Variants in DIS3L2 observed in about 807,000 individuals in gnomAD.
The protein encoded by DIS3L2 is DIS3 like 3'-5' exoribonuclease 2, also known as DIS3-like exonuclease 2.
A neutral mutation model predicts 97.5 loss-of-function variants in DIS3L2; 34 were observed. The observed-to-expected ratio is 0.35, with a 90% CI of 0.27 to 0.46. The LOEUF (loss-of-function observed/expected upper bound fraction) is 0.46. Among genes scored for constraint, DIS3L2 ranks in the 20% least tolerant of loss-of-function variants. The pLI, the probability that DIS3L2 is intolerant of heterozygous loss-of-function variation, is 1.00. For missense variants in DIS3L2, 1,038 were observed against 1,146.0 expected, an observed-to-expected ratio of 0.91 and a Z score of 1.36; for synonymous variants, 435 against 445.2, an observed-to-expected ratio of 0.98 and a Z score of 0.29.
At chr2:231,975,340 C>T (rs1693051482) in intron 1 of DIS3L2, among the ~76,000 whole-genome samples, 2 of 151,904 alleles carry the variant, frequency 1.3e-5, no homozygotes, top group Non-Finnish European at 2.9e-5. Flanking sequence ...TATATTATAT[C>T]TCTTTGAGGC....
At chr2:231,993,522 T>A (rs1357502338) in intron 1 of DIS3L2, among the ~76,000 whole-genome samples, 1 of 152,148 alleles carries the variant, frequency 6.6e-6, no homozygotes, top group Admixed American at 6.6e-5. Context: ...CTGAGATGGC[T>A]TTTTTTCTTT....
chr2:232,183,268 T>G (rs1046891986), intron 9 of DIS3L2, among the ~76,000 whole-genome samples: 2 of 152,224 alleles, frequency 1.3e-5, no homozygotes, highest in Admixed American at 6.5e-5. Flanking sequence ...TTATAGCAAC[T>G]CAAACAAACA....
intron 12 of DIS3L2, among the ~76,000 whole-genome samples, chr2:232,255,456 A>G (rs1321222034): frequency 6.6e-6 from 1 of 152,212 alleles, no homozygotes; most frequent in East Asian, 1.9e-4. Flanking sequence ...AGCTATAGAA[A>G]GATTGTTCCA....
rs1264467846 is a variant in DIS3L2, at chr2:232,259,999, G to T, written c.1426-3208G>T. 4 of 152,308 alleles carry T rather than the reference G, an allele frequency of 2.6e-5. No homozygotes were observed. In the East Asian group the frequency reaches 7.8e-4, roughly 30 times the overall value. 9.4% of individuals were successfully genotyped at this position (152,308 alleles called of 1,614,324 possible). On this transcript the variant is annotated intron_variant, in intron 12 of 20. Coordinates refer to ENST00000325385, the MANE Select transcript of DIS3L2 (RefSeq NM_152383.5). ...ATGTGAAAGCAAATGCCCGATCAGG[G>T]TGCAGTGGTTGCCCTGTGCTGGAGC...
In DIS3L2 at chr2:232,325,081, T is replaced by C. The variant is rs1274676062; in HGVS notation, c.1740-4732T>C. ...TCCTCGATGGTCAGGGAAGGCAGGC[T>C]TCCTCTGAAGAGCAGATCGCTTTAC... is the stretch of plus-strand genomic sequence containing the variant. On this transcript the variant is annotated intron_variant, in intron 14 of 20. Coordinates refer to ENST00000325385, the MANE Select transcript of DIS3L2 (RefSeq NM_152383.5). The surrounding 1 kb of genome is among the most constrained non-coding windows in gnomAD (Gnocchi z 4.6). 6.6e-6 allele frequency among the ~76,000 whole-genome samples: 1 copy of C among 152,200 alleles called. No individual in the cohort carries two copies. The highest frequency in any genetic ancestry group is 2.4e-5 in the African/African-American group (1 of 41,462).
intron 3 of DIS3L2, among the ~76,000 whole-genome samples, chr2:232,017,637 A>G (rs1559544859): frequency 6.6e-6 from 1 of 152,102 alleles, no homozygotes; most frequent in Non-Finnish European, 1.5e-5. Flanking sequence ...TCCTCCAGGA[A>G]CACTCTCCTC....
At chr2:232,316,581 A>T (rs933853326) in intron 14 of DIS3L2, among the ~76,000 whole-genome samples, 1 of 152,084 alleles carries the variant, frequency 6.6e-6, no homozygotes, top group Non-Finnish European at 1.5e-5. Flanking sequence ...GTTCAATGGG[A>T]GGAAAGGCTC....
At chr2:232,010,244 G>A (rs572561494) in intron 1 of DIS3L2, among the ~76,000 whole-genome samples, 12 of 152,210 alleles carry the variant, frequency 7.9e-5, no homozygotes, top group East Asian at 1.9e-4. Context: ...TCATTCAACC[G>A]TCTGGATATC....
intron 1 of DIS3L2, among the ~76,000 whole-genome samples, chr2:232,000,561 A>G (rs1316175701): frequency 6.7e-6 from 1 of 149,980 alleles, no homozygotes; most frequent in Admixed American, 6.7e-5. Flanking sequence ...AATGTCCTCT[A>G]GGTTCATCCA....
chr2:231,982,490 T>C (rs542044479), intron 1 of DIS3L2, among the ~76,000 whole-genome samples: 29 of 152,362 alleles, frequency 1.9e-4, no homozygotes, highest in African/African-American at 5.5e-4. Flanking sequence ...TTTTGTGTTT[T>C]ATGATAACTT....
chr2:232,158,785 GAAT>G (rs1320574964), intron 8 of DIS3L2, among the ~76,000 whole-genome samples: 1 of 152,134 alleles, frequency 6.6e-6, no homozygotes, highest in Non-Finnish European at 1.5e-5. Context: ...GGACCTGTGA[GAAT>G]AATAAATGAG....
intron 9 of DIS3L2, among the ~76,000 whole-genome samples, chr2:232,200,013 T>G (rs1691848170): frequency 6.6e-6 from 1 of 152,218 alleles, no homozygotes; most frequent in Non-Finnish European, 1.5e-5. Flanking sequence ...ATACCCATAG[T>G]GAGTATATTC....
chr2:232,249,494 T>C (rs1574971689), intron 12 of DIS3L2, 148 bp downstream of exon 12: 1 of 895,252 alleles, frequency 1.1e-6, no homozygotes, highest in Non-Finnish European at 1.7e-6. Context: ...AATGTCAGAG[T>C]CCCTGCCTCG....
At chr2:232,318,361 C>T (rs1344192862) in intron 14 of DIS3L2, among the ~76,000 whole-genome samples, 2 of 152,248 alleles carry the variant, frequency 1.3e-5, no homozygotes, top group Non-Finnish European at 2.9e-5. Flanking sequence ...GGACCAGTTT[C>T]GCCAAGTGTT....
At chr2:232,340,173 G>A (rs536787200), downstream of DIS3L2, among the ~76,000 whole-genome samples, 4 of 152,320 alleles carry the variant, frequency 2.6e-5, no homozygotes, top group South Asian at 2.1e-4. Context: ...TATCCATACC[G>A]CATGGCAGGT....
At chr2:232,123,321 A>C (rs556689417) in intron 6 of DIS3L2, among the ~76,000 whole-genome samples, 171 of 152,232 alleles carry the variant, frequency 1.1e-3, no homozygotes, top group Admixed American at 1.8e-3. Context: ...AGAAAAAAAA[A>C]CCCTAAGATA....
intron 3 of DIS3L2, among the ~76,000 whole-genome samples, chr2:232,022,745 G>A (rs1483085506): frequency 2.0e-5 from 3 of 152,194 alleles, no homozygotes; most frequent in East Asian, 1.9e-4. Flanking sequence ...CTTGTACCCC[G>A]TCATTTGACA....
chr2:232,212,171 T>A (rs532645211), intron 10 of DIS3L2, among the ~76,000 whole-genome samples: 7 of 152,338 alleles, frequency 4.6e-5, no homozygotes, highest in South Asian at 2.1e-4. Flanking sequence ...TTCTTAGCAA[T>A]CTCTGTTGCA....
intron 7 of DIS3L2, among the ~76,000 whole-genome samples, chr2:232,135,876 G>C (rs1046104029): frequency 3.3e-5 from 5 of 152,094 alleles, no homozygotes; most frequent in African/African-American, 4.8e-5. Flanking sequence ...TGAGGAGGGG[G>C]TGGTGAGGGA....
Sources: gnomAD v4.1 joint callset for allele counts (sites outside exome capture counted in the v4.1 genomes callset) on GRCh38, gnomAD v4.1.1 for gene constraint, Gnocchi (gnomAD v3.1) non-coding constraint, MANE v1.5 for transcripts, NCBI Gene and HGNC (gene_info 2026-07-23, HGNC 2026-07-21) for gene names.